Variants in OR51A7 observed in about 807,000 individuals in gnomAD.
The protein encoded by OR51A7 is olfactory receptor 51A7.
For missense variants in OR51A7, 409 were observed against 374.5 expected (o/e 1.09, Z -0.76); for synonymous variants, 143 against 135.5 (o/e 1.05, Z -0.38).
intron 1 of OR51A7, among the ~76,000 whole-genome samples, chr11:4,904,508 A>G (rs554970181): frequency 6.6e-6 from 1 of 152,210 alleles, no homozygotes; most frequent in South Asian, 2.1e-4. Context: ...TCCTCTCAAC[A>G]ATCTTACTGC....
intron 1 of OR51A7, among the ~76,000 whole-genome samples, chr11:4,906,701 G>A (rs1333944343): frequency 6.6e-6 from 1 of 152,168 alleles, no homozygotes; most frequent in Non-Finnish European, 1.5e-5. Flanking sequence ...TACTGCTGAA[G>A]ACTGTATGGA....
chr11:4,905,506 T>C (rs1850871246), intron 1 of OR51A7, among the ~76,000 whole-genome samples: 1 of 152,144 alleles, frequency 6.6e-6, no homozygotes, highest in African/African-American at 2.4e-5. Context: ...CAATTTCCAG[T>C]GTCTCCTGTG....
chr11:4,904,426 A>G (rs1397536217), intron 1 of OR51A7, among the ~76,000 whole-genome samples: 1 of 152,134 alleles, frequency 6.6e-6, no homozygotes. Context: ...TTCTTTTGGC[A>G]TCTACTATAT....
At chr11:4,907,109 A>AAAAAAAAAAAAAT (rs1564804260) in intron 1 of OR51A7, among the ~76,000 whole-genome samples, 1 of 150,790 alleles carries the variant, frequency 6.6e-6, no homozygotes, top group South Asian at 2.1e-4. Context: ...AAAAAAAAAA[A>AAAAAAAAAAAAAT]AAAAAATCCT....
Position 4,907,998 on chromosome 11 carries a change from T to C in OR51A7, c.629T>C (p.Leu210Ser). ...FFIALCTMLD[L>S]ALIVLSYVLI... ...ATTGCTCTCTGTACTATGCTGGACT[T>C]GGCACTGATTGTTTTGTCTTATGTG... The change falls in exon 2 of 2, where the codon TTG (leucine) becomes TCG (serine). Residue 210 changes from leucine to serine, a missense_variant. By Grantham distance (145) the Leu-to-Ser change is moderately radical. Transcript: ENST00000641490. 6.2e-7 allele frequency: 1 copy of C among 1,614,226 alleles called. No individual in the cohort carries two copies. The highest frequency in any genetic ancestry group is 1.1e-5 in the South Asian group (1 of 91,088).
At chr11:4,905,279 T>C (rs904835965) in intron 1 of OR51A7, among the ~76,000 whole-genome samples, 1 of 152,134 alleles carries the variant, frequency 6.6e-6, no homozygotes, top group African/African-American at 2.4e-5. Context: ...TGGTGGGAGA[T>C]TAATGAGTCA....
chr11:4,903,883 G>A (rs1236637154), intron 1 of OR51A7, 39 bp downstream of exon 1: 1 of 152,054 alleles, frequency 6.6e-6, no homozygotes, highest in Non-Finnish European at 1.5e-5. Context: ...ATGTCTATGG[G>A]GAGGAAGAGT....
chr11:4,908,808 T>C lies in OR51A7; in HGVS notation c.*500T>C, dbSNP rs1850947128. The C allele has an allele frequency of 6.1e-6, 1 of 164,508 alleles. No homozygotes were observed. 10.2% of individuals were successfully genotyped at this position (164,508 alleles called of 1,614,324 possible). On this transcript the variant is annotated 3_prime_UTR_variant, in exon 2 of 2. Coordinates refer to ENST00000641490, the MANE Select transcript of OR51A7 (RefSeq NM_001004749.2). The stretch of plus-strand genomic sequence containing the variant: ...AGCACCTAAAAAAAGCTTTGAAAAG[T>C]CTAAATTCAGGAGGTGTTGGAATGC...
Position 4,907,476 on chromosome 11 carries a change from T to C in OR51A7, c.107T>C (p.Leu36Pro). Residue 36 changes from leucine to proline, a missense_variant, in exon 2 of 2, where the codon CTG becomes CCG. Physicochemically the swap from Leu to Pro is moderately conservative, Grantham distance 98. Coordinates refer to ENST00000641490, the MANE Select transcript of OR51A7 (RefSeq NM_001004749.2). ...TCCATCCCCATTTGCCTCATGTACCTGCTTGCCATCATGGGCAACTGCACC... is the reference window on the plus strand; with the variant it reads ...TCCATCCCCATTTGCCTCATGTACCCGCTTGCCATCATGGGCAACTGCACC... Reference protein sequence around the residue: ...WFSIPICLMYLLAIMGNCTIL... With the variant: ...WFSIPICLMYPLAIMGNCTIL... The C allele has an allele frequency of 6.2e-7, 1 of 1,613,930 alleles. No homozygotes were observed. The highest frequency in any genetic ancestry group is 8.5e-7 in the Non-Finnish European group (1 of 1,179,892).
Position 4,908,551 on chromosome 11 carries a change from G to A in OR51A7, c.*243G>A, listed in dbSNP as rs1850943213. On this transcript the variant is annotated 3_prime_UTR_variant, in exon 2 of 2. Coordinates refer to ENST00000641490, the MANE Select transcript of OR51A7 (RefSeq NM_001004749.2). ...GGAAGTTGAAGGAAAATACTTCTGT[G>A]ATGGAGCAGCTGGATTTGAGTCAAC... The A allele has an allele frequency of 1.9e-6, 1 of 524,052 alleles. No individual in the cohort carries two copies. The allele number at this position is 524,052 out of a possible 1,614,324, so 32.5% of individuals were successfully genotyped here. A position where few individuals can be genotyped will look rare whatever the true frequency, so the allele number is the denominator to read the frequency against.
At position 4,908,172 on chromosome 11, in the gene OR51A7, G is replaced by A. The variant is rs1365723031; in HGVS notation, c.803G>A (p.Ser268Asn). 6.2e-7 allele frequency: 1 copy of A among 1,614,160 alleles called. No homozygotes were observed. Among genetic ancestry groups the A allele is most frequent in the Non-Finnish European group, 8.5e-7 (1 of 1,180,018 alleles). Residue 268 changes from serine (S) to asparagine (N), a missense_variant, in exon 2 of 2, where the codon AGC becomes AAC. Coordinates refer to ENST00000641490, the MANE Select transcript of OR51A7 (RefSeq NM_001004749.2). ...AAMHHFAKHK[S>N]PLVVILIADM... ...ATGCATCACTTTGCCAAGCACAAAA[G>A]CCCTCTTGTTGTGATCCTTATTGCA...
chr11:4,906,452 G>A (rs879896232), intron 1 of OR51A7, among the ~76,000 whole-genome samples: 5 of 152,100 alleles, frequency 3.3e-5, no homozygotes, highest in Non-Finnish European at 5.9e-5. Flanking sequence ...AACAGAAATC[G>A]TTGTTTATTT....
chr11:4,907,611 T>A lies in OR51A7; in HGVS notation c.242T>A (p.Met81Lys). The A allele has an allele frequency of 6.2e-7, 1 of 1,613,938 alleles. No individual in the cohort carries two copies. The highest frequency in any genetic ancestry group is 8.5e-7 in the Non-Finnish European group (1 of 1,179,886). Residue 81 changes from methionine to lysine, a missense_variant, in exon 2 of 2, where the codon ATG (methionine) becomes AAG (lysine). By Grantham distance (95) the Met-to-Lys change is moderately conservative. Coordinates refer to ENST00000641490, the MANE Select transcript of OR51A7 (RefSeq NM_001004749.2). ...MGLSLSSLPT[M>K]LRVFLFNAMG... ...CTGTCCCTCTCCTCCCTTCCTACCA[T>A]GTTGAGGGTCTTCTTGTTCAATGCC...
chr11:4,907,245 A>C, intron 1 of OR51A7, 94 bp from the exon 2 acceptor site: 2 of 610,778 alleles, frequency 3.3e-6, no homozygotes, highest in Admixed American at 2.9e-5. Context: ...GCAGCCAAAT[A>C]TGCCTTTGAG....
chr11:4,905,442 A>T (rs1417318344), intron 1 of OR51A7, among the ~76,000 whole-genome samples: 1 of 152,172 alleles, frequency 6.6e-6, no homozygotes, highest in African/African-American at 2.4e-5. Context: ...CCTCTAAAAA[A>T]TCACAAAATA....
At chr11:4,905,567 A>G (rs1850873193) in intron 1 of OR51A7, among the ~76,000 whole-genome samples, 1 of 152,150 alleles carries the variant, frequency 6.6e-6, no homozygotes, top group Non-Finnish European at 1.5e-5. Flanking sequence ...GAAGTTTAAA[A>G]AATTCTGGAG....
At chr11:4,907,275 C>A in intron 1 of OR51A7, 64 bp from the exon 2 acceptor site, 1 of 760,776 alleles carries the variant, frequency 1.3e-6, no homozygotes, top group Non-Finnish European at 2.2e-6. Flanking sequence ...CGAATGAACC[C>A]CTTATCCTCA....
chr11:4,904,388 T>A (rs1850851130), intron 1 of OR51A7, among the ~76,000 whole-genome samples: 1 of 152,152 alleles, frequency 6.6e-6, no homozygotes, highest in Non-Finnish European at 1.5e-5. Flanking sequence ...ATATTTTACC[T>A]GAGGACTGCC....
Position 4,903,812 on chromosome 11 carries a change from A to C in OR51A7, c.-64A>C, listed in dbSNP as rs1275001645. 6.6e-6 allele frequency: 1 copy of C among 152,084 alleles called. No individual in the cohort carries two copies. 9.4% of individuals were successfully genotyped at this position (152,084 alleles called of 1,614,324 possible). On this transcript the variant is annotated 5_prime_UTR_variant, in exon 1 of 2. Transcript: ENST00000641490. ...GCATCTGGTTCTGGTAAGGTTAAGG[A>C]GCTATAAATCCTTTTGGAAACCTAA...
Sources: gnomAD v4.1 joint callset for allele counts (sites outside exome capture counted in the v4.1 genomes callset) on GRCh38, gnomAD v4.1.1 for gene constraint, MANE v1.5 for transcripts, NCBI Gene and HGNC (gene_info 2026-07-23, HGNC 2026-07-21) for gene names.